The following GRIA2 variants were observed in gnomAD, a reference collection of about 807,000 sequenced individuals.
GRIA2 encodes the protein glutamate ionotropic receptor AMPA type subunit 2, also known as glutamate receptor 2.
GRIA2 carries 14 observed loss-of-function variants against 97.3 expected under a neutral mutation model. The observed-to-expected ratio is 0.14, with a 90% CI of 0.10 to 0.23. The LOEUF (loss-of-function observed/expected upper bound fraction) is 0.23. Among genes scored for constraint, GRIA2 ranks in the 10% least tolerant of loss-of-function variants. The pLI is 1.00. For synonymous variants in GRIA2, 412 were observed against 387.8 expected, an observed-to-expected ratio of 1.06 and a Z score of -0.73; for missense variants, 558 against 1,069.8, an observed-to-expected ratio of 0.52 and a Z score of 6.67.
intron 2 of GRIA2, among the ~76,000 whole-genome samples, chr4:157,265,729 C>A (rs899323475): frequency 6.6e-6 from 1 of 152,074 alleles, no homozygotes; most frequent in African/African-American, 2.4e-5. Context: ...AGATGGGAGA[C>A]CTTTATGAGA....
chr4:157,231,002 T>C (rs1373200475), intron 2 of GRIA2, among the ~76,000 whole-genome samples: 1 of 151,874 alleles, frequency 6.6e-6, no homozygotes, highest in Non-Finnish European at 1.5e-5. Context: ...TACAGGTCCA[T>C]GCCATCACGC....
At chr4:157,355,021 AT>A (rs1250444702) in intron 12 of GRIA2, among the ~76,000 whole-genome samples, 2 of 152,146 alleles carry the variant, frequency 1.3e-5, no homozygotes, top group East Asian at 3.9e-4. Context: ...AAAACTTACA[AT>A]TAAGAGCTTC....
chr4:157,248,077 A>G (rs1730811209), intron 2 of GRIA2, among the ~76,000 whole-genome samples: 1 of 151,566 alleles, frequency 6.6e-6, no homozygotes, highest in Non-Finnish European at 1.5e-5. Flanking sequence ...ATATAATCAT[A>G]TCATATCATA....
chr4:157,297,502 A>G (rs1174817527), intron 2 of GRIA2, among the ~76,000 whole-genome samples: 1 of 152,166 alleles, frequency 6.6e-6, no homozygotes, highest in East Asian at 1.9e-4. Context: ...CTGTCCCACA[A>G]TGAGGCAGGT....
chr4:157,337,732 G>T (rs1443519367), intron 11 of GRIA2, among the ~76,000 whole-genome samples: 1 of 151,588 alleles, frequency 6.6e-6, no homozygotes, highest in Non-Finnish European at 1.5e-5. Flanking sequence ...TGTATGAGAA[G>T]CTCAAAGATT....
At chr4:157,281,585 C>G (rs1732599319) in intron 2 of GRIA2, among the ~76,000 whole-genome samples, 1 of 152,078 alleles carries the variant, frequency 6.6e-6, no homozygotes, top group South Asian at 2.1e-4. Flanking sequence ...TTCTCTGTGA[C>G]AATACCCTTA....
Position 157,280,282 on chromosome 4 carries a change from GA to G in GRIA2, c.230-23268del, listed in dbSNP as rs1471393288. Among the ~76,000 whole-genome samples, 6 of 152,112 alleles carry G rather than the reference GA, an allele frequency of 3.9e-5. No individual in the cohort carries two copies. In the East Asian group the frequency reaches 9.7e-4, roughly 24 times the overall value. On this transcript the variant is annotated intron_variant, in intron 2 of 15. Coordinates refer to ENST00000264426, the MANE Select transcript of GRIA2 (RefSeq NM_001083619.3). ...CAAGGAACTGTGATGCTTGAGAGTT[GA>G]AGAGTCACAGGAAAAGTGAGCTTGT...
chr4:157,359,760 A>C (rs1736553919), intron 12 of GRIA2, 136 bp from the exon 13 acceptor site: 1 of 721,888 alleles, frequency 1.4e-6, no homozygotes, highest in Non-Finnish European at 2.3e-6. Flanking sequence ...TTAGTGAAAA[A>C]AATTGTTGAA....
chr4:157,313,594 T>C (rs976509308), intron 4 of GRIA2, among the ~76,000 whole-genome samples: 4 of 152,008 alleles, frequency 2.6e-5, no homozygotes, highest in Admixed American at 2.6e-4. Context: ...ACAGGTAAAA[T>C]CCACCATGAT....
intron 2 of GRIA2, among the ~76,000 whole-genome samples, chr4:157,280,381 C>T (rs1732541162): frequency 6.6e-6 from 1 of 152,022 alleles, no homozygotes. Context: ...ATCAGGTGGA[C>T]TTCTGAGTGT....
At chr4:157,329,099 A>C (rs891050831) in intron 6 of GRIA2, among the ~76,000 whole-genome samples, 1 of 151,956 alleles carries the variant, frequency 6.6e-6, no homozygotes, top group Non-Finnish European at 1.5e-5. Context: ...AATTAAGACA[A>C]GTGAATAATT....
chr4:157,341,017 G>A (rs1201723578), intron 11 of GRIA2, among the ~76,000 whole-genome samples: 2 of 151,838 alleles, frequency 1.3e-5, no homozygotes, highest in African/African-American at 2.4e-5. Flanking sequence ...AACTATTTGG[G>A]CATTACAATT....
chr4:157,311,833 T>A (rs10025086), intron 3 of GRIA2, among the ~76,000 whole-genome samples: 48,708 of 151,732 alleles, frequency 0.32, 8,219 homozygotes, highest in African/African-American at 0.41. Flanking sequence ...ATGTAGCATG[T>A]CTCCAAGTGC....
At chr4:157,240,968 T>G (rs1197495118) in intron 2 of GRIA2, among the ~76,000 whole-genome samples, 5 of 151,392 alleles carry the variant, frequency 3.3e-5, no homozygotes, top group Non-Finnish European at 5.9e-5. Flanking sequence ...TGTTTGGTTT[T>G]TTGTTCTTGC....
chr4:157,323,922 C>T (rs1463653734), intron 6 of GRIA2, among the ~76,000 whole-genome samples: 1 of 152,080 alleles, frequency 6.6e-6, no homozygotes, highest in Non-Finnish European at 1.5e-5. Context: ...GATCATTATG[C>T]TTCTTCACGG....
At chr4:157,241,477 G>C (rs1730508107) in intron 2 of GRIA2, among the ~76,000 whole-genome samples, 1 of 152,032 alleles carries the variant, frequency 6.6e-6, no homozygotes, top group Non-Finnish European at 1.5e-5. Context: ...TGAATACGTA[G>C]AGGACTTGCC....
chr4:157,267,176 A>C (rs1305655346), intron 2 of GRIA2, among the ~76,000 whole-genome samples: 2 of 152,246 alleles, frequency 1.3e-5, no homozygotes, highest in Middle Eastern at 3.4e-3. Flanking sequence ...CAGTAATCCC[A>C]GCACTTTGGG....
At position 157,361,251 on chromosome 4, in the gene GRIA2, C is replaced by A; in HGVS notation, c.2406+127C>A. The A allele has an allele frequency of 2.8e-6, 2 of 703,296 alleles. No individual in the cohort carries two copies. The highest frequency in any genetic ancestry group is 4.9e-6 in the Non-Finnish European group (2 of 412,042). 43.6% of individuals were successfully genotyped at this position (703,296 alleles called of 1,614,324 possible). On this transcript the variant is annotated intron_variant, in intron 14 of 15. Transcript: ENST00000264426. The surrounding 1 kb of genome is among the most constrained non-coding windows in gnomAD (Gnocchi z 5.2). ...AAGCTGAAGAGTGCAATTGGATGAC[C>A]AGGACACTTGACTTCTTCTTTCTTT...
intron 2 of GRIA2, among the ~76,000 whole-genome samples, chr4:157,253,849 A>C (rs1163903594): frequency 1.3e-5 from 2 of 152,072 alleles, no homozygotes; most frequent in Non-Finnish European, 2.9e-5. Context: ...TTTCAGGTAG[A>C]ACCAAAATTT....
Sources: allele counts gnomAD v4.1 joint callset (sites outside exome capture counted in the v4.1 genomes callset), GRCh38; gene constraint gnomAD v4.1.1; non-coding constraint Gnocchi (gnomAD v3.1); transcripts MANE v1.5; gene names NCBI Gene and HGNC (gene_info 2026-07-23, HGNC 2026-07-21).